The following ADAMTS17 variants were observed in gnomAD, a reference collection of about 807,000 sequenced individuals.
The protein encoded by ADAMTS17 is A disintegrin and metalloproteinase with thrombospondin motifs 17.
Under a neutral mutation model 141.5 loss-of-function variants are expected in ADAMTS17, and 113 were observed. The ratio of observed to expected loss-of-function variants is 0.80; its 90% CI spans 0.69 to 0.93. ADAMTS17 has a LOEUF of 0.93. Among genes scored for constraint, ADAMTS17 ranks in the 40% least tolerant of loss-of-function variants. ADAMTS17 has a pLI of 0.00. For synonymous variants in ADAMTS17, 768 were observed against 630.6 expected (o/e 1.22, Z -3.27); for missense variants, 1,659 against 1,517.9 (o/e 1.09, Z -1.54).
intron 8 of ADAMTS17, among the ~76,000 whole-genome samples, chr15:100,163,036 G>A (rs1034484653): frequency 1.2e-4 from 17 of 141,380 alleles, no homozygotes; most frequent in South Asian, 6.8e-4. Flanking sequence ...GTATATATAT[G>A]TGTATATATA....
At chr15:100,201,579 G>A (rs1022106337) in intron 7 of ADAMTS17, among the ~76,000 whole-genome samples, 4 of 152,250 alleles carry the variant, frequency 2.6e-5, no homozygotes, top group Non-Finnish European at 4.4e-5. Context: ...CTCCGCAGAG[G>A]TGCGGCTCCA....
intron 7 of ADAMTS17, among the ~76,000 whole-genome samples, chr15:100,223,465 C>A (rs974079783): frequency 3.3e-5 from 5 of 152,094 alleles, no homozygotes; most frequent in Admixed American, 1.3e-4. Flanking sequence ...CTCTCTCTCT[C>A]TATACTGGCC....
chr15:100,009,052 C>A (rs1190050351), intron 18 of ADAMTS17, among the ~76,000 whole-genome samples: 6 of 152,128 alleles, frequency 3.9e-5, no homozygotes, highest in Non-Finnish European at 8.8e-5. Context: ...ATTGCCTAGC[C>A]TGGTCTTGAA....
At chr15:100,237,621 TTTTTTG>T (rs1479149513) in intron 7 of ADAMTS17, among the ~76,000 whole-genome samples, 1 of 151,898 alleles carries the variant, frequency 6.6e-6, no homozygotes, top group Non-Finnish European at 1.5e-5. Flanking sequence ...AACGCTGAGG[TTTTTTG>T]TTTTTGTTTT....
At chr15:100,214,140 C>T (rs2041895694) in intron 7 of ADAMTS17, among the ~76,000 whole-genome samples, 1 of 152,174 alleles carries the variant, frequency 6.6e-6, no homozygotes, top group Non-Finnish European at 1.5e-5. Context: ...CCCGGAGTAG[C>T]TCCCATGTGG....
chr15:100,106,211 G>A (rs2036406540), intron 14 of ADAMTS17, among the ~76,000 whole-genome samples: 1 of 152,198 alleles, frequency 6.6e-6, no homozygotes, highest in African/African-American at 2.4e-5. Context: ...GCAGTCTACA[G>A]CATGAAAGTG....
chr15:100,177,054 AAGAATAGAGTTGTT>A (rs2040363949), intron 8 of ADAMTS17, among the ~76,000 whole-genome samples: 1 of 152,208 alleles, frequency 6.6e-6, no homozygotes, highest in African/African-American at 2.4e-5. Context: ...AGCTATTAAG[AAGAATAGAGTTGTT>A]ATGAATATTC....
chr15:100,247,750 C>T lies in ADAMTS17; in HGVS notation c.1075+6386G>A, dbSNP rs541634385. 1.2e-4 allele frequency among the ~76,000 whole-genome samples: 18 copies of T among 152,320 alleles called. No homozygotes were observed. In the South Asian group the frequency reaches 3.7e-3, roughly 32 times the overall value. The stretch of plus-strand genomic sequence containing the variant: ...AGCACACAACACCGTCCATTACCCA[C>T]ACCCACTCCCCCTCACCTCTTGCCA... On this transcript the variant is annotated intron_variant, in intron 7 of 21. Coordinates refer to ENST00000268070, the MANE Select transcript of ADAMTS17 (RefSeq NM_139057.4).
chr15:100,031,521 G>C (rs2030162879), intron 18 of ADAMTS17, among the ~76,000 whole-genome samples: 1 of 152,176 alleles, frequency 6.6e-6, no homozygotes, highest in African/African-American at 2.4e-5. Flanking sequence ...GATTTAACTA[G>C]AAGACAATCC....
At chr15:100,109,720 G>A (rs2036632437) in intron 13 of ADAMTS17, among the ~76,000 whole-genome samples, 1 of 152,080 alleles carries the variant, frequency 6.6e-6, no homozygotes, top group Non-Finnish European at 1.5e-5. Flanking sequence ...CAGGCAGGAT[G>A]GAAACCTGGG....
At chr15:100,257,246 C>A (rs1422129795) in intron 6 of ADAMTS17, among the ~76,000 whole-genome samples, 2 of 152,164 alleles carry the variant, frequency 1.3e-5, no homozygotes, top group Non-Finnish European at 2.9e-5. Flanking sequence ...CTCACCCAAT[C>A]TCCCTGTGAA....
Position 100,195,920 on chromosome 15 carries a change from A to C in ADAMTS17, c.1181+3398T>G, listed in dbSNP as rs542058143. ...CAAATCATATTAAGTAGTAACTATA[A>C]ATTTTTAAAAAAGCAATACTAGTTT... On this transcript the variant is annotated intron_variant, in intron 8 of 21. Transcript: ENST00000268070. Among the ~76,000 whole-genome samples the C allele has an allele frequency of 1.4e-4, 22 of 152,340 alleles. No homozygotes were observed. In the South Asian group the frequency reaches 3.9e-3, roughly 27 times the overall value.
At chr15:100,199,502 G>C (rs979941794) in intron 7 of ADAMTS17, 79 bp from the exon 8 acceptor site, 1 of 1,177,338 alleles carries the variant, frequency 8.5e-7, no homozygotes, top group East Asian at 2.3e-5. Context: ...CACGGTCAAC[G>C]TCATGCACAA....
intron 14 of ADAMTS17, among the ~76,000 whole-genome samples, chr15:100,106,932 A>G (rs1389890490): frequency 2.0e-5 from 3 of 152,202 alleles, no homozygotes; most frequent in Admixed American, 6.5e-5. Flanking sequence ...GGCCAGCTCA[A>G]CCACTCATCA....
chr15:100,040,987 C>T (rs1164642832), intron 18 of ADAMTS17, among the ~76,000 whole-genome samples: 2 of 152,200 alleles, frequency 1.3e-5, no homozygotes, highest in African/African-American at 4.8e-5. Context: ...GATTAAAAAA[C>T]CATATCTTTT....
intron 3 of ADAMTS17, among the ~76,000 whole-genome samples, chr15:100,317,210 T>C (rs1294953134): frequency 2.6e-5 from 4 of 152,094 alleles, no homozygotes; most frequent in African/African-American, 7.2e-5. Context: ...GATAAAGACA[T>C]AGTTCATATC....
In ADAMTS17 at chr15:100,036,975, A is replaced by G. The variant is rs143828496; in HGVS notation, c.2591+11882T>C. 1.6e-3 allele frequency among the ~76,000 whole-genome samples: 248 copies of G among 152,336 alleles called. 1 individual carries two copies. Among genetic ancestry groups the G allele is most frequent in the Middle Eastern group, 0.014 (4 of 294 alleles). On this transcript the variant is annotated intron_variant, in intron 18 of 21. Coordinates refer to ENST00000268070, the MANE Select transcript of ADAMTS17 (RefSeq NM_139057.4). Reference sequence around the variant, plus strand: ...TTTGTCTATTCTTCAGTGAATGAACATGTGCCATGTTTCTACCTGTTAGCC... The same window carrying G: ...TTTGTCTATTCTTCAGTGAATGAACGTGTGCCATGTTTCTACCTGTTAGCC...
At chr15:100,079,626 G>T (rs2034601068) in intron 15 of ADAMTS17, among the ~76,000 whole-genome samples, 1 of 152,190 alleles carries the variant, frequency 6.6e-6, no homozygotes, top group South Asian at 2.1e-4. Flanking sequence ...GGGGTGATCA[G>T]CCAGCAACCT....
intron 12 of ADAMTS17, among the ~76,000 whole-genome samples, chr15:100,122,685 C>G (rs553626292): frequency 6.6e-6 from 1 of 152,076 alleles, no homozygotes; most frequent in Non-Finnish European, 1.5e-5. Context: ...ATACTATATT[C>G]TTATAGTAAA....
Sources: allele counts gnomAD v4.1 joint callset (sites outside exome capture counted in the v4.1 genomes callset), GRCh38; gene constraint gnomAD v4.1.1; transcripts MANE v1.5; gene names NCBI Gene and HGNC (gene_info 2026-07-23, HGNC 2026-07-21).